The following CORO2B variants were observed in gnomAD, a reference collection of about 807,000 sequenced individuals.
The protein encoded by CORO2B is coronin 2B.
A neutral mutation model predicts 58.8 loss-of-function variants in CORO2B; 26 were observed. The observed-to-expected ratio is 0.44, with a 90% confidence interval of 0.32 to 0.61. The LOEUF (loss-of-function observed/expected upper bound fraction) is 0.61, where lower values mean the gene tolerates loss of function less well. Among genes scored for constraint, CORO2B ranks in the 20% least tolerant of loss-of-function variants. The pLI is 0.04. For missense variants in CORO2B, 460 were observed against 645.1 expected, an observed-to-expected ratio of 0.71 and a Z score of 3.11; for synonymous variants, 242 against 253.8, an observed-to-expected ratio of 0.95 and a Z score of 0.44.
intron 2 of CORO2B, among the ~76,000 whole-genome samples, chr15:68,659,480 A>C (rs1901939352): frequency 6.6e-6 from 1 of 152,250 alleles, no homozygotes. Flanking sequence ...TGGGAGGCCC[A>C]GGCAGGAAGA....
intron 2 of CORO2B, among the ~76,000 whole-genome samples, chr15:68,669,649 A>G (rs995540791): frequency 1.3e-5 from 2 of 152,188 alleles, no homozygotes; most frequent in South Asian, 2.1e-4. Flanking sequence ...AAAAAAATTC[A>G]ACTTTCTAAA....
At position 68,719,443 on chromosome 15, in the gene CORO2B, A is replaced by G. The variant is rs372267861; in HGVS notation, c.1202A>G (p.Tyr401Cys). The part of the protein sequence containing the change: ...DPVLMSLKEG[Y>C]KKSSKMVFKA... ...GTGCTGATGTCTTTGAAAGAAGGCT[A>G]TAAGAAGTCCTCAAAAATGGTATTT... The change falls in exon 11 of 12, where the codon TAT becomes TGT. Residue 401 changes from tyrosine (Y) to cysteine (C), a missense_variant. Tyr to Cys is a radical substitution (Grantham distance 194). This residue lies in a region of CORO2B where 108 missense variants were observed against 102.1 expected (regional missense o/e 1.06). Coordinates refer to ENST00000261861, the MANE Select transcript of CORO2B (RefSeq NM_006091.5). 3 of 1,614,190 alleles carry G rather than the reference A, an allele frequency of 1.9e-6. No individual in the cohort carries two copies. Among genetic ancestry groups the G allele is most frequent in the Non-Finnish European group, 2.5e-6 (3 of 1,180,024 alleles).
chr15:68,650,355 CTAAAAAAAAAAAAAAAAAAAAAAA>C (rs1451632948), intron 2 of CORO2B, among the ~76,000 whole-genome samples: 1,671 of 85,078 alleles, frequency 0.02, 78 homozygotes, highest in Middle Eastern at 0.04. Context: ...GAAACTCTGT[CTAAAAAAAAAAAAAAAAAAAAAAA>C]AAAAAAAAAA....
chr15:68,590,692 G>A (rs1899681915), intron 1 of CORO2B, among the ~76,000 whole-genome samples: 1 of 152,202 alleles, frequency 6.6e-6, no homozygotes, highest in African/African-American at 2.4e-5. Flanking sequence ...CCCTGAGGGG[G>A]TAATAATGCC....
chr15:68,575,867 T>C (rs886366750), upstream of CORO2B, among the ~76,000 whole-genome samples: 5 of 151,518 alleles, frequency 3.3e-5, no homozygotes, highest in Non-Finnish European at 5.9e-5. Flanking sequence ...ATAAAATGCA[T>C]GTATTGGCTG....
chr15:68,641,569 G>A (rs1296445963), intron 1 of CORO2B: 8 of 985,246 alleles, frequency 8.1e-6, no homozygotes, highest in African/African-American at 3.5e-5. Context: ...GCCGCTGAGC[G>A]CTCCACCTGG....
intron 1 of CORO2B, among the ~76,000 whole-genome samples, chr15:68,611,058 T>G (rs1381988824): frequency 6.6e-6 from 1 of 152,068 alleles, no homozygotes; most frequent in East Asian, 1.9e-4. Context: ...TAATCCAACC[T>G]CAGTTCATCA....
intron 1 of CORO2B, among the ~76,000 whole-genome samples, chr15:68,588,917 A>G (rs1003638956): frequency 6.6e-6 from 1 of 152,212 alleles, no homozygotes; most frequent in African/African-American, 2.4e-5. Flanking sequence ...GCAAAAATGC[A>G]TGGGGAAATT....
In CORO2B at chr15:68,719,480, C is replaced by T; in HGVS notation, c.1239C>T (p.Ile413=). Residue 413 remains isoleucine, a synonymous_variant, in exon 11 of 12, where the codon ATC becomes ATT. Transcript: ENST00000261861. ...KSSKMVFKAP[I]KEKKSVVVNG... Reference sequence around the variant, plus strand: ...CAAAAATGGTATTTAAGGCTCCCATCAAAGAAAAGAAGAGTGTTGTGGTCA... The same window carrying T: ...CAAAAATGGTATTTAAGGCTCCCATTAAAGAAAAGAAGAGTGTTGTGGTCA... 1 of 1,614,108 alleles carries T rather than the reference C, an allele frequency of 6.2e-7. No individual in the cohort carries two copies. The highest frequency in any genetic ancestry group is 8.5e-7 in the Non-Finnish European group (1 of 1,180,010).
At chr15:68,724,519 C>T (rs1893245609) in intron 11 of CORO2B, among the ~76,000 whole-genome samples, 1 of 152,130 alleles carries the variant, frequency 6.6e-6, no homozygotes, top group South Asian at 2.1e-4. Context: ...TTGACAAACA[C>T]ACACAGTCAT....
the CORO2B span, among the ~76,000 whole-genome samples, chr15:68,568,587 A>T: frequency 6.6e-6 from 1 of 152,190 alleles, no homozygotes; most frequent in Non-Finnish European, 1.5e-5. Context: ...TAAAAACATA[A>T]TAGTACCAAT....
chr15:68,523,482 C>T, the CORO2B span, among the ~76,000 whole-genome samples: 2 of 152,200 alleles, frequency 1.3e-5, no homozygotes, highest in African/African-American at 2.4e-5. Flanking sequence ...TAGGCATGAG[C>T]CACTGTACCC....
At chr15:68,529,215 A>AT in the CORO2B span, among the ~76,000 whole-genome samples, 1 of 152,094 alleles carries the variant, frequency 6.6e-6, no homozygotes, top group African/African-American at 2.4e-5. Context: ...AGGAGATAGT[A>AT]TTTTTTATCA....
intron 2 of CORO2B, among the ~76,000 whole-genome samples, chr15:68,671,042 C>T (rs1473827373): frequency 6.6e-6 from 1 of 152,096 alleles, no homozygotes; most frequent in Non-Finnish European, 1.5e-5. Context: ...AATTATAAAG[C>T]ACTTATGGAT....
intron 3 of CORO2B, among the ~76,000 whole-genome samples, chr15:68,707,306 A>G (rs924168921): frequency 3.3e-5 from 5 of 152,124 alleles, no homozygotes; most frequent in African/African-American, 1.2e-4. Flanking sequence ...GCAGTCTCAG[A>G]CTCTGTGGGT....
rs1447294463 is a variant in CORO2B at position 68,710,709 on chromosome 15, T to C, written c.334-23T>C. ...ACTTCTTGGCCGTGTCCACCCAGCC[T>C]GGACCCTCATCTCCCTCTGCAGGTG... On this transcript the variant is annotated intron_variant, in intron 3 of 11. Transcript: ENST00000261861. The surrounding 1 kb of genome is among the most constrained non-coding windows in gnomAD (Gnocchi z 4.1). 3 of 1,572,944 alleles carry C rather than the reference T, an allele frequency of 1.9e-6. No individual in the cohort carries two copies. The African/African-American group carries it at 4.0e-5, about 21-fold the overall frequency.
the CORO2B span, among the ~76,000 whole-genome samples, chr15:68,560,106 C>G: frequency 6.6e-6 from 1 of 152,256 alleles, no homozygotes; most frequent in African/African-American, 2.4e-5. Flanking sequence ...CACTTGCACC[C>G]GTGCAGTGCT....
the CORO2B span, among the ~76,000 whole-genome samples, chr15:68,538,302 C>T: frequency 6.6e-6 from 1 of 152,160 alleles, no homozygotes; most frequent in Admixed American, 6.5e-5. Context: ...CCCTCAGTAA[C>T]TTTTAATTGC....
At chr15:68,555,773 C>T in the CORO2B span, among the ~76,000 whole-genome samples, 244 of 151,898 alleles carry the variant, frequency 1.6e-3, 1 homozygote, top group Non-Finnish European at 2.6e-3. Flanking sequence ...GGAAGTGGCC[C>T]CTCTCTCTGA....
Sources: allele counts gnomAD v4.1 joint callset (sites outside exome capture counted in the v4.1 genomes callset), GRCh38; gene constraint gnomAD v4.1.1; regional missense constraint gnomAD v4.1.1; non-coding constraint Gnocchi (gnomAD v3.1); transcripts MANE v1.5; gene names NCBI Gene and HGNC (gene_info 2026-07-23, HGNC 2026-07-21).